The following TRHR variants were observed in gnomAD, a reference collection of about 807,000 sequenced individuals.
TRHR encodes the protein thyrotropin-releasing hormone receptor.
In TRHR, 14 loss-of-function variants were observed where a neutral mutation model predicts 28.0. That is an observed-to-expected ratio of 0.50 (90% confidence interval 0.33 to 0.78). TRHR has a LOEUF of 0.78. Ranked by LOEUF, TRHR falls within the 30% of genes least tolerant of loss-of-function variation. TRHR has a pLI of 0.02. For missense variants in TRHR, 438 were observed against 469.5 expected (o/e 0.93, Z 0.62); for synonymous variants, 176 against 171.9 (o/e 1.02, Z -0.18).
At chr8:109,112,793 G>C (rs1227870789) in intron 2 of TRHR, among the ~76,000 whole-genome samples, 1 of 152,120 alleles carries the variant, frequency 6.6e-6, no homozygotes, top group Non-Finnish European at 1.5e-5. Context: ...AACCTTGGTT[G>C]GGTAGCTAAC....
At chr8:109,116,263 C>CT (rs944280006) in intron 2 of TRHR, among the ~76,000 whole-genome samples, 13 of 152,102 alleles carry the variant, frequency 8.5e-5, no homozygotes, top group African/African-American at 1.9e-4. Flanking sequence ...CTAAAATTCT[C>CT]TTTTTTTGTT....
At chr8:109,099,744 C>A (rs1811648479) in intron 2 of TRHR, among the ~76,000 whole-genome samples, 1 of 152,154 alleles carries the variant, frequency 6.6e-6, no homozygotes, top group Admixed American at 6.6e-5. Context: ...AACACTGCAA[C>A]CTTTCATAAA....
chr8:109,106,351 T>G (rs1223216913), intron 2 of TRHR, among the ~76,000 whole-genome samples: 1 of 152,164 alleles, frequency 6.6e-6, no homozygotes, highest in African/African-American at 2.4e-5. Context: ...TTGTATCTTT[T>G]GGAGGCAAAT....
At chr8:109,092,657 T>C (rs569611105) in intron 2 of TRHR, among the ~76,000 whole-genome samples, 5 of 152,080 alleles carry the variant, frequency 3.3e-5, no homozygotes, top group African/African-American at 1.2e-4. Flanking sequence ...CAGACTGGTC[T>C]TGAACTCCTG....
rs1811980243 is a variant in TRHR, at chr8:109,119,905, A to G, written c.*450A>G. ...TTTAGTATTCATTTTAACATAGTACAGGGCTAGTTCATGAATATCTGAAAT... is the reference window on the plus strand; with the variant it reads ...TTTAGTATTCATTTTAACATAGTACGGGGCTAGTTCATGAATATCTGAAAT... On this transcript the variant is annotated 3_prime_UTR_variant, in exon 3 of 3. Transcript: ENST00000518632. Among the ~76,000 whole-genome samples, 2 of 151,902 alleles carry G rather than the reference A, an allele frequency of 1.3e-5. No homozygotes were observed. The highest frequency in any genetic ancestry group is 2.1e-4 in the South Asian group (1 of 4,834).
At chr8:109,117,744 T>TA (rs1811941380) in intron 2 of TRHR, among the ~76,000 whole-genome samples, 1 of 151,966 alleles carries the variant, frequency 6.6e-6, no homozygotes, top group African/African-American at 2.4e-5. Context: ...CTTATATATA[T>TA]TTTTTAAAGT....
rs537163818 is a variant in TRHR, at chr8:109,120,263, T to G, written c.*808T>G. Among the ~76,000 whole-genome samples, 9 of 152,038 alleles carry G rather than the reference T, an allele frequency of 5.9e-5. No individual in the cohort carries two copies. The highest frequency in any genetic ancestry group is 8.8e-5 in the Non-Finnish European group (6 of 67,892). On this transcript the variant is annotated 3_prime_UTR_variant, in exon 3 of 3. Transcript: ENST00000518632. The stretch of plus-strand genomic sequence containing the variant: ...AACATACAATTAAATTTGAAAAGTA[T>G]AGTCAAGACAAAGCAAGTATTTATA...
At chr8:109,094,587 C>T (rs1811561683) in intron 2 of TRHR, among the ~76,000 whole-genome samples, 1 of 151,964 alleles carries the variant, frequency 6.6e-6, no homozygotes, top group African/African-American at 2.4e-5. Flanking sequence ...TTCTGATTCA[C>T]ATCCTGTATA....
At chr8:109,109,462 C>G (rs900123336) in intron 2 of TRHR, among the ~76,000 whole-genome samples, 1 of 151,640 alleles carries the variant, frequency 6.6e-6, no homozygotes, top group African/African-American at 2.4e-5. Flanking sequence ...AAAGTAGGGC[C>G]GTTATGAAGA....
At chr8:109,104,439 G>C (rs1811721555) in intron 2 of TRHR, among the ~76,000 whole-genome samples, 1 of 152,064 alleles carries the variant, frequency 6.6e-6, no homozygotes, top group Admixed American at 6.6e-5. Context: ...GTACTGCTAG[G>C]GGAAATGCTA....
At chr8:109,091,774 G>A (rs1029416421) in intron 2 of TRHR, among the ~76,000 whole-genome samples, 10 of 152,110 alleles carry the variant, frequency 6.6e-5, no homozygotes, top group East Asian at 1.9e-4. Context: ...GGTAAATTCC[G>A]TAAGATAAAT....
intron 2 of TRHR, among the ~76,000 whole-genome samples, chr8:109,096,739 T>C (rs760041735): frequency 7.2e-5 from 11 of 152,180 alleles, no homozygotes; most frequent in Non-Finnish European, 1.5e-4. Context: ...TGTTAAATAC[T>C]TATCAGCACA....
intron 2 of TRHR, among the ~76,000 whole-genome samples, chr8:109,108,340 AG>A (rs1811782165): frequency 6.6e-6 from 1 of 152,194 alleles, no homozygotes; most frequent in Admixed American, 6.6e-5. Context: ...TAAGCAGCTG[AG>A]GAATCACTTA....
At chr8:109,092,998 GT>G (rs1407085752) in intron 2 of TRHR, among the ~76,000 whole-genome samples, 1 of 150,704 alleles carries the variant, frequency 6.6e-6, no homozygotes, top group Admixed American at 6.6e-5. Context: ...TGGCTTCCTG[GT>G]TTTCCACATA....
intron 2 of TRHR, among the ~76,000 whole-genome samples, chr8:109,112,988 G>T (rs1811858597): frequency 6.6e-6 from 1 of 152,104 alleles, no homozygotes; most frequent in East Asian, 1.9e-4. Flanking sequence ...ACAATTAACT[G>T]CTTTCAGAAC....
rs374523334 is a variant in TRHR, at chr8:109,119,641, C to T, written c.*186C>T. On this transcript the variant is annotated 3_prime_UTR_variant, in exon 3 of 3. Coordinates refer to ENST00000518632, the MANE Select transcript of TRHR (RefSeq NM_003301.7). ...TGATTCAGACTTTCCTTCTTACAAA[C>T]TAATATCACTAAAAATGGAGCAGAT... 11 of 628,656 alleles carry T rather than the reference C, an allele frequency of 1.7e-5. No individual in the cohort carries two copies. Among genetic ancestry groups the T allele is most frequent in the South Asian group, 1.3e-4 (6 of 44,820 alleles). 38.9% of individuals were successfully genotyped at this position (628,656 alleles called of 1,614,324 possible). A position where few individuals can be genotyped will look rare whatever the true frequency, so the allele number is the denominator to read the frequency against.
Position 109,120,722 on chromosome 8 carries a change from T to C in TRHR, c.*1267T>C, listed in dbSNP as rs906877763. Among the ~76,000 whole-genome samples the C allele has an allele frequency of 6.6e-6, 1 of 151,760 alleles. No homozygotes were observed. The highest frequency in any genetic ancestry group is 1.5e-5 in the Non-Finnish European group (1 of 67,836). Reference sequence around the variant, plus strand: ...GACTGACATCTGCTATTCCAGTGTTTATTGGAGACTTGTGAATGAATCTGT... The same window carrying C: ...GACTGACATCTGCTATTCCAGTGTTCATTGGAGACTTGTGAATGAATCTGT... On this transcript the variant is annotated 3_prime_UTR_variant, in exon 3 of 3. Transcript: ENST00000518632.
In TRHR at chr8:109,098,744, C is replaced by T. The variant is rs570317719; in HGVS notation, c.789+10443C>T. 2.4e-4 allele frequency among the ~76,000 whole-genome samples: 37 copies of T among 152,234 alleles called. 1 individual carries two copies. The highest frequency in any genetic ancestry group is 2.3e-3 in the Admixed American group (35 of 15,282). On this transcript the variant is annotated intron_variant, in intron 2 of 2. Coordinates refer to ENST00000518632, the MANE Select transcript of TRHR (RefSeq NM_003301.7). The stretch of plus-strand genomic sequence containing the variant: ...GCAGACTCCTCCAGTCTTGAGCACT[C>T]GGTAGCCCGTTATTTGACCTGTTTC...
chr8:109,116,128 A>T (rs1811917506), intron 2 of TRHR, among the ~76,000 whole-genome samples: 1 of 152,208 alleles, frequency 6.6e-6, no homozygotes, highest in African/African-American at 2.4e-5. Flanking sequence ...ATGTTGAACC[A>T]GCCTTGCATC....
Sources: allele counts gnomAD v4.1 joint callset (sites outside exome capture counted in the v4.1 genomes callset), GRCh38; gene constraint gnomAD v4.1.1; transcripts MANE v1.5; gene names NCBI Gene and HGNC (gene_info 2026-07-23, HGNC 2026-07-21).